C13orf46: variants seen among roughly 807,000 people sequenced by gnomAD.
C13orf46 encodes the protein uncharacterized protein C13orf46.
At chr13:113,943,106 C>T in the C13orf46 span, among the ~76,000 whole-genome samples, 2 of 152,232 alleles carry the variant, frequency 1.3e-5, no homozygotes, top group African/African-American at 4.8e-5. Flanking sequence ...GGGAGAGCTC[C>T]GGGCCGGGGT....
At chr13:113,968,164 G>T (rs2052668421) in intron 4 of C13orf46, among the ~76,000 whole-genome samples, 1 of 152,180 alleles carries the variant, frequency 6.6e-6, no homozygotes, top group Admixed American at 6.5e-5. Context: ...TCAAGCCTGG[G>T]GCTCTGGGTG....
At chr13:113,928,362 TGGCCGGGCA>T in the C13orf46 span, 9 of 152,480 alleles carry the variant, frequency 5.9e-5, no homozygotes, top group African/African-American at 1.9e-4. Flanking sequence ...GTGGAGGCCG[TGGCCGGGCA>T]GGTGGGGAGG....
chr13:113,964,373 G>A (rs2052617112), intron 6 of C13orf46, among the ~76,000 whole-genome samples: 1 of 152,182 alleles, frequency 6.6e-6, no homozygotes, highest in Non-Finnish European at 1.5e-5. Flanking sequence ...GCCTCGGGGA[G>A]TCTTGGGGCT....
intron 1 of C13orf46, among the ~76,000 whole-genome samples, chr13:113,972,276 G>C (rs191849590): frequency 6.6e-6 from 1 of 152,206 alleles, no homozygotes; most frequent in African/African-American, 2.4e-5. Flanking sequence ...AGGGAACCCC[G>C]TGGGGAGGGA....
In C13orf46 at chr13:113,955,000, A is replaced by AG. The variant is rs2052511419; in HGVS notation, c.*1772dup. The AG allele has an allele frequency of 9.5e-6, 1 of 105,444 alleles. No homozygotes were observed. The highest frequency in any genetic ancestry group is 2.1e-5 in the Non-Finnish European group (1 of 47,152). 6.5% of individuals were successfully genotyped at this position (105,444 alleles called of 1,614,324 possible). On this transcript the variant is annotated 3_prime_UTR_variant, in exon 7 of 7. Transcript: ENST00000636427. ...GGAGACGAGGAGGAGGATCTGGCAG[A>AG]GAGGAGGAGTAGGATCTGGCGGAGA... is the stretch of plus-strand genomic sequence containing the variant.
intron 5 of C13orf46, among the ~76,000 whole-genome samples, chr13:113,966,632 TGATG>T (rs2052652892): frequency 6.6e-6 from 1 of 151,816 alleles, no homozygotes; most frequent in Non-Finnish European, 1.5e-5. Flanking sequence ...ATAGTGATGA[TGATG>T]ATGATGCTGC....
At chr13:113,963,529 GCCTCACCCCTGT>G (rs2052608362) in intron 6 of C13orf46, among the ~76,000 whole-genome samples, 28 of 117,216 alleles carry the variant, frequency 2.4e-4, no homozygotes, top group Admixed American at 1.7e-3. Flanking sequence ...CCTGTCCTCA[GCCTCACCCCTGT>G]CCTCAGCCCT....
chr13:113,938,399 CTTTCT>C, the C13orf46 span, among the ~76,000 whole-genome samples: 12 of 152,196 alleles, frequency 7.9e-5, no homozygotes, highest in African/African-American at 2.9e-4. Context: ...GAAGCCACTG[CTTTCT>C]TTTCTCAGCC....
intron 5 of C13orf46, among the ~76,000 whole-genome samples, chr13:113,965,452 C>G (rs887555466): frequency 2.0e-5 from 3 of 152,240 alleles, no homozygotes; most frequent in Non-Finnish European, 2.9e-5. Context: ...CATGGAGGAA[C>G]ACACCCCAGA....
the C13orf46 span, among the ~76,000 whole-genome samples, chr13:113,946,231 A>G: frequency 3.3e-5 from 5 of 152,114 alleles, no homozygotes; most frequent in South Asian, 1.0e-3. Flanking sequence ...CCCACCGGCC[A>G]ATTGGACCAA....
intron 6 of C13orf46, among the ~76,000 whole-genome samples, chr13:113,962,079 G>A (rs1197612701): frequency 2.6e-5 from 4 of 152,232 alleles, no homozygotes; most frequent in Non-Finnish European, 5.9e-5. Flanking sequence ...GGCAACACTA[G>A]GAAAAAGAAA....
rs1293648791 is a variant in C13orf46 at position 113,954,196 on chromosome 13, C to CCA, written c.*2575_*2576dup. The CCA allele has an allele frequency of 1.3e-5, 2 of 152,372 alleles. No homozygotes were observed. The highest frequency in any genetic ancestry group is 3.4e-3 in the Middle Eastern group (1 of 294). The allele number at this position is 152,372 out of a possible 1,614,324, so 9.4% of individuals were successfully genotyped here. On this transcript the variant is annotated 3_prime_UTR_variant, in exon 7 of 7. Coordinates refer to ENST00000636427, the MANE Select transcript of C13orf46 (RefSeq NM_001365455.2). ...CCACAGGGACGGCCCCCATGTGTCTCCACGGGAATAGACAGTGCACACAGC... is the reference window on the plus strand; with the variant it reads ...CCACAGGGACGGCCCCCATGTGTCTCCACACGGGAATAGACAGTGCACACAGC...
chr13:113,965,460 A>T (rs1229830560), intron 5 of C13orf46, among the ~76,000 whole-genome samples: 1 of 152,208 alleles, frequency 6.6e-6, no homozygotes, highest in Non-Finnish European at 1.5e-5. Flanking sequence ...AACACACCCC[A>T]GATGTTAGTG....
rs1199910491 is a variant in C13orf46, at chr13:113,963,361, G to C, written c.572+1566C>G. 3.4e-3 allele frequency among the ~76,000 whole-genome samples: 82 copies of C among 24,174 alleles called. 2 individuals are homozygous for C. The highest frequency in any genetic ancestry group is 4.0e-3 in the Admixed American group (8 of 2,018). The allele number at this position is 24,174 out of a possible 152,430, so 15.9% of individuals were successfully genotyped here. On this transcript the variant is annotated intron_variant, in intron 6 of 6. Transcript: ENST00000636427. ...CTCGCCCCGTCCTCAGCCTCGGCCC[G>C]TCCTCAGCCTCTCCCGTCCTCAGCC... is the stretch of plus-strand genomic sequence containing the variant.
At chr13:113,930,292 G>C in the C13orf46 span, among the ~76,000 whole-genome samples, 1 of 152,218 alleles carries the variant, frequency 6.6e-6, no homozygotes, top group Non-Finnish European at 1.5e-5. Context: ...AAACGCAAAG[G>C]CACAGTCCAT....
chr13:113,949,645 A>G (rs2052481396), downstream of C13orf46, among the ~76,000 whole-genome samples: 1 of 152,226 alleles, frequency 6.6e-6, no homozygotes, highest in Non-Finnish European at 1.5e-5. Flanking sequence ...AGCCCTGAAG[A>G]CAGTGTCAGG....
chr13:113,957,003 G>C (rs1203415232), intron 6 of C13orf46, among the ~76,000 whole-genome samples, 164 bp from the exon 7 acceptor site: 1 of 151,914 alleles, frequency 6.6e-6, no homozygotes. Flanking sequence ...AGTCTCCCCT[G>C]TACCTGCATA....
the C13orf46 span, among the ~76,000 whole-genome samples, chr13:113,934,289 C>T: frequency 1.3e-5 from 2 of 152,144 alleles, no homozygotes; most frequent in South Asian, 4.1e-4. Context: ...AATAAAGCTG[C>T]TATGATCGTT....
chr13:113,972,878 C>T (rs899269595), intron 1 of C13orf46, among the ~76,000 whole-genome samples: 4 of 152,194 alleles, frequency 2.6e-5, no homozygotes, highest in African/African-American at 9.7e-5. Context: ...CCTCCTCTCA[C>T]CCCTCCCGCC....
Sources: gnomAD v4.1 joint callset for allele counts (sites outside exome capture counted in the v4.1 genomes callset) on GRCh38, gnomAD v4.1.1 for gene constraint, MANE v1.5 for transcripts, NCBI Gene and HGNC (gene_info 2026-07-23, HGNC 2026-07-21) for gene names.